The following NRP1 variants were observed in gnomAD, a reference collection of about 807,000 sequenced individuals.
NRP1 encodes neuropilin-1.
A neutral mutation model predicts 106.7 loss-of-function variants in NRP1; 35 were observed. That is an observed-to-expected ratio of 0.33 (90% CI 0.25 to 0.43). The LOEUF (loss-of-function observed/expected upper bound fraction) is 0.43. NRP1 is among the 20% of genes least tolerant of loss of function. The pLI is 1.00. For missense variants in NRP1, 1,024 were observed against 1,170.4 expected (o/e 0.87, Z 1.83); for synonymous variants, 437 against 417.9 (o/e 1.05, Z -0.56).
rs1188820892 is a variant in NRP1 at position 33,182,725 on chromosome 10, T to A, written c.2455A>T (p.Asn819Tyr). The stretch of plus-strand genomic sequence containing the variant: ...GTTTCATCAATTTTAATTTCTGGGT[T>A]CTTTTTATCCAGGTCTGCTGGTTCT... ...CAKPADLDKKNPEIKIDETGS... is the reference protein window; with the variant it reads ...CAKPADLDKKYPEIKIDETGS... Residue 819 changes from asparagine (N) to tyrosine (Y), a missense_variant, in exon 16 of 17, where the codon AAC (asparagine) becomes TAC (tyrosine). By Grantham distance (143) the Asn-to-Tyr change is moderately radical. Around this residue, in one of 5 missense-constraint regions of NRP1, gnomAD observed 164 missense variants for 161.4 expected, o/e 1.02. Coordinates refer to ENST00000374867, the MANE Select transcript of NRP1 (RefSeq NM_003873.7). 1 of 1,613,034 alleles carries A rather than the reference T, an allele frequency of 6.2e-7. No homozygotes were observed. Among genetic ancestry groups the A allele is most frequent in the Non-Finnish European group, 8.5e-7 (1 of 1,179,716 alleles).
intron 2 of NRP1, chr10:33,288,299 T>C (rs1159298699): frequency 1.3e-5 from 2 of 152,164 alleles, no homozygotes; most frequent in Non-Finnish European, 2.9e-5. Flanking sequence ...CTTTTTTCAT[T>C]TCTTAGAGAT....
At chr10:33,273,783 G>C (rs1843484374) in intron 2 of NRP1, among the ~76,000 whole-genome samples, 2 of 152,220 alleles carry the variant, frequency 1.3e-5, no homozygotes, top group South Asian at 4.1e-4. Flanking sequence ...TGACCCCTCT[G>C]TCTGTCTGGG....
At chr10:33,231,706 G>A (rs563260465) in intron 6 of NRP1, among the ~76,000 whole-genome samples, 30 of 152,180 alleles carry the variant, frequency 2.0e-4, no homozygotes, top group Non-Finnish European at 3.4e-4. Flanking sequence ...CATGACTACC[G>A]TACAGACAGG....
intron 2 of NRP1, among the ~76,000 whole-genome samples, chr10:33,275,068 T>G (rs929161677): frequency 1.3e-5 from 2 of 152,172 alleles, no homozygotes; most frequent in African/African-American, 4.8e-5. Flanking sequence ...TATACAATGG[T>G]GGAGCTAGGA....
intron 16 of NRP1, among the ~76,000 whole-genome samples, chr10:33,180,836 T>C (rs1835640387): frequency 6.6e-6 from 1 of 152,240 alleles, no homozygotes; most frequent in Non-Finnish European, 1.5e-5. Context: ...TGGCATGGTT[T>C]ATGCATGTGT....
chr10:33,268,836 A>C (rs1375235654), intron 3 of NRP1, among the ~76,000 whole-genome samples: 1 of 152,170 alleles, frequency 6.6e-6, no homozygotes, highest in Non-Finnish European at 1.5e-5. Flanking sequence ...TGCTGATATC[A>C]TATGTATACT....
intron 8 of NRP1, among the ~76,000 whole-genome samples, chr10:33,217,216 A>G (rs190558621): frequency 6.6e-4 from 100 of 152,270 alleles, no homozygotes; most frequent in African/African-American, 2.3e-3. Context: ...GAATACTGTA[A>G]GGAGAGCAGA....
At chr10:33,218,297 G>A (rs994258413) in intron 8 of NRP1, among the ~76,000 whole-genome samples, 1 of 151,412 alleles carries the variant, frequency 6.6e-6, no homozygotes, top group Non-Finnish European at 1.5e-5. Context: ...TCTATATGGT[G>A]ACAAACTCTG....
intron 9 of NRP1, chr10:33,212,358 A>G (rs527615234): frequency 2.2e-4 from 33 of 152,348 alleles, no homozygotes; most frequent in African/African-American, 7.7e-4. Flanking sequence ...GAAGGATGGA[A>G]ATTCTGACAC....
chr10:33,232,225 C>T (rs549502884), intron 6 of NRP1, among the ~76,000 whole-genome samples: 34 of 152,258 alleles, frequency 2.2e-4, no homozygotes, highest in Middle Eastern at 6.8e-3. Flanking sequence ...GAGGGTTCAT[C>T]GTCCTAAACA....
At chr10:33,264,769 A>G (rs1564436489) in intron 3 of NRP1, among the ~76,000 whole-genome samples, 1 of 152,186 alleles carries the variant, frequency 6.6e-6, no homozygotes, top group Non-Finnish European at 1.5e-5. Flanking sequence ...ATTTCAATTC[A>G]TGGTAACCAG....
intron 2 of NRP1, among the ~76,000 whole-genome samples, chr10:33,306,983 G>A (rs913803633): frequency 8.1e-4 from 123 of 152,326 alleles, no homozygotes; most frequent in African/African-American, 2.9e-3. Context: ...CCTGACAGAG[G>A]CAAACAGAAG....
chr10:33,191,039 G>A (rs949474580), intron 13 of NRP1, among the ~76,000 whole-genome samples: 35 of 151,840 alleles, frequency 2.3e-4, no homozygotes, highest in Non-Finnish European at 5.0e-4. Flanking sequence ...AATTTATTTT[G>A]TAGTGTCAGT....
intron 2 of NRP1, among the ~76,000 whole-genome samples, chr10:33,302,304 C>T (rs1845857279): frequency 6.6e-6 from 1 of 152,208 alleles, no homozygotes; most frequent in Non-Finnish European, 1.5e-5. Context: ...CTTCTGGGTT[C>T]CTATGATATG....
At chr10:33,208,308 C>T (rs1564382670) in intron 9 of NRP1, among the ~76,000 whole-genome samples, 1 of 152,182 alleles carries the variant, frequency 6.6e-6, no homozygotes. Context: ...CTGCATTGGC[C>T]TCTCCAAGTG....
At chr10:33,235,937 T>C (rs1420159824) in intron 6 of NRP1, among the ~76,000 whole-genome samples, 1 of 152,242 alleles carries the variant, frequency 6.6e-6, no homozygotes, top group East Asian at 1.9e-4. Flanking sequence ...TGCAGATGAA[T>C]ACCTTGGAAA....
In NRP1 at chr10:33,299,678, G is replaced by A. The variant is rs557441161; in HGVS notation, c.249-28822C>T. ...GCACGCACTTGTGGTCCCAGCTACTGAAGAGTCTGAAGCAGGAGGCTCCCT... is the reference window on the plus strand; with the variant it reads ...GCACGCACTTGTGGTCCCAGCTACTAAAGAGTCTGAAGCAGGAGGCTCCCT... On this transcript the variant is annotated intron_variant, in intron 2 of 16. Coordinates refer to ENST00000374867, the MANE Select transcript of NRP1 (RefSeq NM_003873.7). 3.3e-5 allele frequency among the ~76,000 whole-genome samples: 5 copies of A among 152,270 alleles called. No homozygotes were observed. In the South Asian group the frequency reaches 1.0e-3, roughly 32 times the overall value.
At chr10:33,231,411 T>TC (rs1399586311) in intron 6 of NRP1, among the ~76,000 whole-genome samples, 14 of 152,216 alleles carry the variant, frequency 9.2e-5, no homozygotes, top group Admixed American at 8.5e-4. Context: ...GAGTTTCTTT[T>TC]CCCATGCAAA....
chr10:33,250,364 T>C (rs1841764273), intron 6 of NRP1, among the ~76,000 whole-genome samples: 1 of 152,160 alleles, frequency 6.6e-6, no homozygotes, highest in African/African-American at 2.4e-5. Flanking sequence ...AAGAAGCATG[T>C]AAATGAGCCT....
Sources: gnomAD v4.1 joint callset for allele counts (sites outside exome capture counted in the v4.1 genomes callset) on GRCh38, gnomAD v4.1.1 for gene constraint, gnomAD v4.1.1 regional missense constraint, MANE v1.5 for transcripts, NCBI Gene and HGNC (gene_info 2026-07-23, HGNC 2026-07-21) for gene names.